GCNT3: variants seen among roughly 807,000 people sequenced by gnomAD.
GCNT3 encodes the protein beta-1,3-galactosyl-O-glycosyl-glycoprotein beta-1,6-N-acetylglucosaminyltransferase 3.
For missense variants in GCNT3, 708 were observed against 530.3 expected (o/e 1.34, Z -3.29); for synonymous variants, 269 against 195.2 (o/e 1.38, Z -3.15).
intron 1 of GCNT3, among the ~76,000 whole-genome samples, chr15:59,614,168 G>C (rs961578843): frequency 2.6e-5 from 4 of 152,190 alleles, no homozygotes; most frequent in Non-Finnish European, 4.4e-5. Context: ...AGTTTTTCTA[G>C]ATTAGAATAC....
intron 1 of GCNT3, among the ~76,000 whole-genome samples, chr15:59,612,789 G>A (rs2082702206): frequency 6.6e-6 from 1 of 152,046 alleles, no homozygotes; most frequent in Non-Finnish European, 1.5e-5. Context: ...CAGCCATTCT[G>A]TCCCCTCTCC....
Position 59,619,319 on chromosome 15 carries a change from G to T in GCNT3, c.1081G>T (p.Ala361Ser), listed in dbSNP as rs540970335. The T allele has an allele frequency of 8.7e-6, 14 of 1,613,910 alleles. No individual in the cohort carries two copies. In the African/African-American group the frequency reaches 1.3e-4, roughly 15 times the overall value. The change falls in exon 3 of 3, where the codon GCC (alanine) becomes TCC (serine). Residue 361 changes from alanine to serine, a missense_variant. Transcript: ENST00000396065. ...CGACATCTCAGACATGACTTCTATTGCCAGGCTGGTCAAGTGGCAGGGTCA... is the reference window on the plus strand; with the variant it reads ...CGACATCTCAGACATGACTTCTATTTCCAGGCTGGTCAAGTGGCAGGGTCA... Reference protein sequence around the residue: ...KYDISDMTSIARLVKWQGHEG... With the variant: ...KYDISDMTSISRLVKWQGHEG...
Position 59,619,025 on chromosome 15 carries a change from A to T in GCNT3, c.787A>T (p.Thr263Ser). ...AGAGGTACCTCCTAAGCACAAAGAA[A>T]CCCGCTGGAAATATCACTTTGAGGT... is the stretch of plus-strand genomic sequence containing the variant. ...ESEVPPKHKE[T>S]RWKYHFEVVR... The change falls in exon 3 of 3, where the codon ACC (threonine) becomes TCC (serine). Residue 263 changes from threonine to serine, a missense_variant. Coordinates refer to ENST00000396065, the MANE Select transcript of GCNT3 (RefSeq NM_004751.3). 4.3e-6 allele frequency: 7 copies of T among 1,614,076 alleles called. No individual in the cohort carries two copies. Among genetic ancestry groups the T allele is most frequent in the Non-Finnish European group, 5.9e-6 (7 of 1,180,008 alleles).
At position 59,619,220 on chromosome 15, in the gene GCNT3, C is replaced by G; in HGVS notation, c.982C>G (p.Pro328Ala). Residue 328 changes from proline to alanine, a missense_variant, in exon 3 of 3, where the codon CCA (proline) becomes GCA (alanine). By Grantham distance (27) the Pro-to-Ala change is conservative. Transcript: ENST00000396065. ...TGAATGGGTAAAAGACACTTATAGC[C>G]CAGATGAACACCTCTGGGCCACCCT... ...LIEWVKDTYS[P>A]DEHLWATLQR... 1.2e-6 allele frequency: 2 copies of G among 1,613,980 alleles called. No individual in the cohort carries two copies. The highest frequency in any genetic ancestry group is 1.7e-6 in the Non-Finnish European group (2 of 1,179,964).
At position 59,619,173 on chromosome 15, in the gene GCNT3, AC is replaced by A; in HGVS notation, c.938del (p.Pro313LeufsTer6). ...GATTTCGTCCAACATGTTTTGAAGA[AC>A]CCTAAATCCCAACAACTGATTGAAT... ...SRDFVQHVLK[N>X]PKSQQLIEWV... On this transcript the variant is annotated frameshift_variant, in exon 3 of 3. Transcript: ENST00000396065. LOFTEE classifies it low-confidence loss of function (END_TRUNC). The A allele has an allele frequency of 1.9e-6, 3 of 1,614,044 alleles. No homozygotes were observed. The highest frequency in any genetic ancestry group is 1.1e-5 in the South Asian group (1 of 91,074).
rs1335495585 is a variant in GCNT3 at position 59,616,722 on chromosome 15, G to A, written c.-220G>A. On this transcript the variant is annotated 5_prime_UTR_variant, in exon 2 of 3. Coordinates refer to ENST00000396065, the MANE Select transcript of GCNT3 (RefSeq NM_004751.3). ...AAAGAGGAGCCTGAAACTGTTCCTT[G>A]GACATCTTATGAATGTCAGAAAATA... is the stretch of plus-strand genomic sequence containing the variant. 1 of 152,132 alleles carries A rather than the reference G, an allele frequency of 6.6e-6. No individual in the cohort carries two copies. Among genetic ancestry groups the A allele is most frequent in the Non-Finnish European group, 1.5e-5 (1 of 68,036 alleles). The allele number at this position is 152,132 out of a possible 1,614,324, so 9.4% of individuals were successfully genotyped here. A position where few individuals can be genotyped will look rare whatever the true frequency, so the allele number is the denominator to read the frequency against.
chr15:59,617,170 C>CTTTTTTTTTTTTTTTTTTTTTT (rs373439386), intron 2 of GCNT3, among the ~76,000 whole-genome samples: 8 of 82,386 alleles, frequency 9.7e-5, no homozygotes, highest in South Asian at 4.1e-4. Context: ...CTTTTGTTTT[C>CTTTTTTTTTTTTTTTTTTTTTT]TTTCTTTCTT....
rs1268929625 is a variant in GCNT3 at position 59,620,706 on chromosome 15, A to G, written c.*1151A>G. Reference sequence around the variant, plus strand: ...TGTTCCATAAAGGAGATAATAGCCAATCAGGTAAGGTAATGTGTAATTCAT... The same window carrying G: ...TGTTCCATAAAGGAGATAATAGCCAGTCAGGTAAGGTAATGTGTAATTCAT... On this transcript the variant is annotated 3_prime_UTR_variant, in exon 3 of 3. Coordinates refer to ENST00000396065, the MANE Select transcript of GCNT3 (RefSeq NM_004751.3). The G allele has an allele frequency of 1.8e-5, 3 of 166,986 alleles. No homozygotes were observed. Among genetic ancestry groups the G allele is most frequent in the East Asian group, 3.8e-4 (2 of 5,204 alleles). 10.3% of individuals were successfully genotyped at this position (166,986 alleles called of 1,614,324 possible). A position where few individuals can be genotyped will look rare whatever the true frequency, so the allele number is the denominator to read the frequency against.
At chr15:59,618,140 T>C in intron 2 of GCNT3, 39 bp from the exon 3 acceptor site, 1 of 675,350 alleles carries the variant, frequency 1.5e-6, no homozygotes, top group Non-Finnish European at 2.6e-6. Flanking sequence ...TTTCTGGGAA[T>C]GATTGGTTTG....
intron 1 of GCNT3, chr15:59,615,346 C>T (rs1401847987): frequency 1.3e-5 from 2 of 152,138 alleles, no homozygotes; most frequent in Non-Finnish European, 1.5e-5. Flanking sequence ...CCCAGAGGGC[C>T]CTCCTGTGAG....
intron 1 of GCNT3, among the ~76,000 whole-genome samples, chr15:59,614,390 C>T (rs557209224): frequency 2.0e-5 from 3 of 151,502 alleles, no homozygotes; most frequent in Admixed American, 6.6e-5. Context: ...AGGGCGAGTC[C>T]GTAAAGTGAA....
chr15:59,617,170 C>CTTTTTTTTTTTTTTTTTTTT lies in GCNT3; in HGVS notation c.-61+292_-61+293insTTTTTTTTTTTTTTTTTTTT, dbSNP rs373439386. 4.5e-3 allele frequency among the ~76,000 whole-genome samples: 369 copies of CTTTTTTTTTTTTTTTTTTTT among 81,714 alleles called. 7 individuals carry two copies. The highest frequency in any genetic ancestry group is 5.4e-3 in the Non-Finnish European group (215 of 39,844). 53.6% of individuals were successfully genotyped at this position (81,714 alleles called of 152,430 possible). On this transcript the variant is annotated intron_variant, in intron 2 of 2. Coordinates refer to ENST00000396065, the MANE Select transcript of GCNT3 (RefSeq NM_004751.3). ...TTTTTCTTTATTTTTCTTTTGTTTTCTTTCTTTCTTTTTTTTTTTTTAAAG... is the reference window on the plus strand; with the variant it reads ...TTTTTCTTTATTTTTCTTTTGTTTTCTTTTTTTTTTTTTTTTTTTTTTTCTTTCTTTTTTTTTTTTTAAAG...
intron 1 of GCNT3, among the ~76,000 whole-genome samples, chr15:59,612,304 A>G (rs2082699876): frequency 6.6e-6 from 1 of 152,230 alleles, no homozygotes; most frequent in Admixed American, 6.5e-5. Flanking sequence ...TAGGAGAAAA[A>G]GATTGAGGAG....
intron 1 of GCNT3, chr15:59,616,299 C>T (rs1303967777): frequency 6.6e-6 from 1 of 152,042 alleles, no homozygotes; most frequent in Admixed American, 6.5e-5. Context: ...AGTAAAATAA[C>T]AAAAGAAAAA....
chr15:59,614,816 C>T (rs2082712188), intron 1 of GCNT3, among the ~76,000 whole-genome samples: 1 of 152,194 alleles, frequency 6.6e-6, no homozygotes, highest in African/African-American at 2.4e-5. Context: ...CTCATTTTAC[C>T]CAGCCCTTAT....
intron 1 of GCNT3, among the ~76,000 whole-genome samples, chr15:59,613,871 G>T (rs1480619919): frequency 2.0e-5 from 3 of 152,112 alleles, no homozygotes; most frequent in Admixed American, 1.3e-4. Context: ...ATAAAAATTA[G>T]CTGGGCATGG....
In GCNT3 at chr15:59,620,342, AT is replaced by A. The variant is rs1447957348; in HGVS notation, c.*792del. On this transcript the variant is annotated 3_prime_UTR_variant, in exon 3 of 3. Coordinates refer to ENST00000396065, the MANE Select transcript of GCNT3 (RefSeq NM_004751.3). Reference sequence around the variant, plus strand: ...AGCACCATGTCTGGCTAATTTTTGTATTTTTAGTAGAGGCCGGGTTTCACCA... The same window carrying A: ...AGCACCATGTCTGGCTAATTTTTGTATTTTAGTAGAGGCCGGGTTTCACCA... 91 of 166,448 alleles carry A rather than the reference AT, an allele frequency of 5.5e-4. 1 individual carries two copies. The highest frequency in any genetic ancestry group is 1.0e-4 in the Non-Finnish European group (7 of 68,088). The allele number at this position is 166,448 out of a possible 1,614,324, so 10.3% of individuals were successfully genotyped here.
Position 59,619,488 on chromosome 15 carries a change from A to G in GCNT3, c.1250A>G (p.Asp417Gly). The stretch of plus-strand genomic sequence containing the variant: ...GCCAACAAGTTTGACCCAAAGGTAG[A>G]TGATAATGCTCTTCAGTGCTTAGAA... ...LLANKFDPKV[D>G]DNALQCLEEY... is the part of the protein sequence containing the mutation. Residue 417 changes from aspartate to glycine, a missense_variant, in exon 3 of 3, where the codon GAT becomes GGT. By Grantham distance (94) the Asp-to-Gly change is moderately conservative (BLOSUM62 -1). Coordinates refer to ENST00000396065, the MANE Select transcript of GCNT3 (RefSeq NM_004751.3). The G allele has an allele frequency of 1.2e-6, 2 of 1,614,054 alleles. No homozygotes were observed. The highest frequency in any genetic ancestry group is 1.7e-6 in the Non-Finnish European group (2 of 1,179,928).
chr15:59,618,727 T>G lies in GCNT3; in HGVS notation c.489T>G (p.His163Gln). ...CCCCTCAGAACATATACTGTGTCCA[T>G]GTGGATGAGAAGTCCCCAGAAACTT... The part of the protein sequence containing the change: ...VYAPQNIYCV[H>Q]VDEKSPETFK... Residue 163 changes from histidine (H) to glutamine (Q), a missense_variant, in exon 3 of 3, where the codon CAT (histidine) becomes CAG (glutamine). His to Gln is a conservative substitution (Grantham distance 24). Transcript: ENST00000396065. 2 of 1,614,166 alleles carry G rather than the reference T, an allele frequency of 1.2e-6. No individual in the cohort carries two copies. Among genetic ancestry groups the G allele is most frequent in the Non-Finnish European group, 1.7e-6 (2 of 1,179,982 alleles).
Sources: gnomAD v4.1 joint callset for allele counts (sites outside exome capture counted in the v4.1 genomes callset) on GRCh38, gnomAD v4.1.1 for gene constraint, MANE v1.5 for transcripts, NCBI Gene and HGNC (gene_info 2026-07-23, HGNC 2026-07-21) for gene names.